Variants in ASIC2 observed in about 807,000 individuals in gnomAD.
ASIC2 encodes acid sensing ion channel subunit 2.
Under a neutral mutation model 57.3 loss-of-function variants are expected in ASIC2, and 25 were observed. The ratio of observed to expected loss-of-function variants is 0.44; its 90% CI spans 0.32 to 0.61. The LOEUF is 0.61. ASIC2 is among the 20% of genes least tolerant of loss of function. The pLI, the probability that ASIC2 is intolerant of heterozygous loss-of-function variation, is 0.06. For missense variants in ASIC2, 641 were observed against 738.1 expected (o/e 0.87, Z 1.52); for synonymous variants, 319 against 307.5 (o/e 1.04, Z -0.39).
At chr17:33,867,436 AAT>A (rs1914271700) in intron 1 of ASIC2, among the ~76,000 whole-genome samples, 3 of 152,224 alleles carry the variant, frequency 2.0e-5, no homozygotes, top group African/African-American at 7.2e-5. Context: ...AAGAGAATAA[AAT>A]GAACTTACCA....
intron 1 of ASIC2, among the ~76,000 whole-genome samples, chr17:33,642,917 GCAGCCAGAACT>G (rs1265755542): frequency 6.6e-6 from 1 of 152,182 alleles, no homozygotes; most frequent in Non-Finnish European, 1.5e-5. Flanking sequence ...AGGGCACTTT[GCAGCCAGAACT>G]CAGCCAGTAC....
At chr17:33,821,891 G>C (rs965605734) in intron 1 of ASIC2, among the ~76,000 whole-genome samples, 1 of 152,166 alleles carries the variant, frequency 6.6e-6, no homozygotes, top group African/African-American at 2.4e-5. Context: ...AGGTATAACA[G>C]TGAGCCCCTT....
intron 1 of ASIC2, among the ~76,000 whole-genome samples, chr17:33,226,177 G>C (rs2142102373): frequency 6.6e-6 from 1 of 152,178 alleles, no homozygotes; most frequent in Non-Finnish European, 1.5e-5. Context: ...AAACCCAATT[G>C]GTTTGTTATT....
At chr17:33,185,435 A>C (rs994437174) in intron 1 of ASIC2, among the ~76,000 whole-genome samples, 2 of 152,174 alleles carry the variant, frequency 1.3e-5, no homozygotes, top group African/African-American at 4.8e-5. Context: ...CATGTTTTCC[A>C]GACATGGACA....
intron 1 of ASIC2, among the ~76,000 whole-genome samples, chr17:33,282,573 C>T (rs1370056553): frequency 6.6e-6 from 1 of 152,072 alleles, no homozygotes; most frequent in African/African-American, 2.4e-5. Context: ...CTCCCAGGTT[C>T]AGGTGATTCT....
intron 1 of ASIC2, among the ~76,000 whole-genome samples, chr17:33,927,574 GC>G (rs1461571236): frequency 6.6e-6 from 1 of 152,222 alleles, no homozygotes; most frequent in Non-Finnish European, 1.5e-5. Flanking sequence ...GGGCTTCCCA[GC>G]CTTCGGGACT....
At chr17:33,286,541 C>T (rs946006510) in intron 1 of ASIC2, among the ~76,000 whole-genome samples, 1 of 152,222 alleles carries the variant, frequency 6.6e-6, no homozygotes, top group African/African-American at 2.4e-5. Context: ...CCTCCAGCCA[C>T]CCTGAACTAG....
chr17:33,448,325 T>C (rs1354982892), intron 1 of ASIC2, among the ~76,000 whole-genome samples: 1 of 152,220 alleles, frequency 6.6e-6, no homozygotes, highest in Non-Finnish European at 1.5e-5. Context: ...GTGGGCTGAA[T>C]GGAGTCCCCA....
At chr17:33,966,447 CT>C (rs1905077595) in intron 1 of ASIC2, among the ~76,000 whole-genome samples, 1 of 152,142 alleles carries the variant, frequency 6.6e-6, no homozygotes, top group Non-Finnish European at 1.5e-5. Context: ...TGTAAAGTAG[CT>C]TATATAATAC....
intron 1 of ASIC2, among the ~76,000 whole-genome samples, chr17:33,328,864 A>G (rs1473067951): frequency 2.0e-5 from 3 of 152,226 alleles, no homozygotes; most frequent in Non-Finnish European, 2.9e-5. Flanking sequence ...GTATAAATTA[A>G]ATTAGTCTCC....
At chr17:33,763,175 G>A (rs1597866142) in intron 1 of ASIC2, among the ~76,000 whole-genome samples, 1 of 152,138 alleles carries the variant, frequency 6.6e-6, no homozygotes, top group Admixed American at 6.5e-5. Flanking sequence ...TCCTGACTAC[G>A]ACTTCTTGGA....
At chr17:33,104,238 T>C (rs572116888) in intron 2 of ASIC2, among the ~76,000 whole-genome samples, 15 of 152,208 alleles carry the variant, frequency 9.9e-5, no homozygotes, top group Non-Finnish European at 2.2e-4. Context: ...AGGTGGGGTC[T>C]AGGAAGGGGG....
At chr17:33,242,313 CAA>C (rs34667054) in intron 1 of ASIC2, among the ~76,000 whole-genome samples, 220 of 110,760 alleles carry the variant, frequency 2.0e-3, no homozygotes, top group Non-Finnish European at 1.4e-3. Context: ...GAGACTCCGT[CAA>C]AAAAAAAAAA....
At chr17:33,928,034 C>G (rs1915858512) in intron 1 of ASIC2, among the ~76,000 whole-genome samples, 1 of 152,092 alleles carries the variant, frequency 6.6e-6, no homozygotes, top group African/African-American at 2.4e-5. Flanking sequence ...AGCAGGCAAA[C>G]AGTAGGAGGC....
intron 1 of ASIC2, among the ~76,000 whole-genome samples, chr17:33,645,047 C>T (rs1019949370): frequency 6.6e-5 from 10 of 152,144 alleles, no homozygotes; most frequent in African/African-American, 1.9e-4. Context: ...GTTTATTGCG[C>T]GTGTTCCTGG....
At chr17:33,624,433 C>T (rs146433148) in intron 1 of ASIC2, among the ~76,000 whole-genome samples, 23 of 152,284 alleles carry the variant, frequency 1.5e-4, no homozygotes, top group Admixed American at 7.2e-4. Context: ...GGTGCTCAAG[C>T]GAAAGCAGGG....
At chr17:33,786,299 C>G (rs35842727) in intron 1 of ASIC2, among the ~76,000 whole-genome samples, 7,538 of 152,186 alleles carry the variant, frequency 0.05, 256 homozygotes, top group South Asian at 0.19. Context: ...GACCTCTTCC[C>G]TCTGGGATTC....
At chr17:34,021,827 GTTTTGTTTTGTT>G (rs753993784) in intron 1 of ASIC2, among the ~76,000 whole-genome samples, 106 of 127,358 alleles carry the variant, frequency 8.3e-4, no homozygotes, top group African/African-American at 4.0e-3. Context: ...TTGGTTTTGT[GTTTTGTTTTGTT>G]TTTTTTTTTT....
chr17:33,536,142 C>T (rs144338251), intron 1 of ASIC2, among the ~76,000 whole-genome samples: 366 of 152,200 alleles, frequency 2.4e-3, no homozygotes, highest in African/African-American at 8.1e-3. Context: ...GGGGAGTATA[C>T]GGGAGTGACG....
Sources: gnomAD v4.1 joint callset for allele counts (sites outside exome capture counted in the v4.1 genomes callset) on GRCh38, gnomAD v4.1.1 for gene constraint, MANE v1.5 for transcripts, NCBI Gene and HGNC (gene_info 2026-07-23, HGNC 2026-07-21) for gene names.